Variants in LITAF observed in about 807,000 individuals in gnomAD.
LITAF encodes lipopolysaccharide induced TNF factor, also known as lipopolysaccharide-induced tumor necrosis factor-alpha factor.
A neutral mutation model predicts 14.5 loss-of-function variants in LITAF; 9 were observed. That is an observed-to-expected ratio of 0.62 (90% confidence interval 0.37 to 1.08). LITAF has a LOEUF of 1.08. Ranked by LOEUF, LITAF falls within the 50% of genes least tolerant of loss-of-function variation. LITAF has a pLI of 0.01. For synonymous variants in LITAF, 98 were observed against 88.2 expected (o/e 1.11, Z -0.62); for missense variants, 206 against 213.4 (o/e 0.97, Z 0.22).
upstream of LITAF, among the ~76,000 whole-genome samples, chr16:11,600,074 G>C (rs946900097): frequency 2.6e-5 from 4 of 151,976 alleles, no homozygotes; most frequent in African/African-American, 9.7e-5. This position sits in a 1 kb window ranked among gnomAD's most constrained non-coding sequence, Gnocchi z 4.1. Flanking sequence ...TATAGTTCAC[G>C]GCAGCCTCAA....
intron 3 of LITAF, among the ~76,000 whole-genome samples, chr16:11,614,098 C>T (rs546341001): frequency 6.6e-6 from 1 of 152,140 alleles, no homozygotes; most frequent in South Asian, 2.1e-4. Context: ...GAAGGATGTC[C>T]TAGTCTCTCT....
At position 11,632,876 on chromosome 16, in the gene LITAF, C is replaced by T. The variant is rs974101380; in HGVS notation, c.85+657G>A. ...TTCCACAGGAATTTCCACAGAGGCC[C>T]ACCCCACTCTGAGCCTCCTAGTGAA... On this transcript the variant is annotated intron_variant, in intron 3 of 3. Transcript: ENST00000574848. This position sits in a 1 kb window ranked among gnomAD's most constrained non-coding sequence, Gnocchi z 4.8. 2.6e-5 allele frequency among the ~76,000 whole-genome samples: 4 copies of T among 152,154 alleles called. No individual in the cohort carries two copies. Among genetic ancestry groups the T allele is most frequent in the Admixed American group, 2.6e-4 (4 of 15,270 alleles).
At chr16:11,633,488 T>A (rs980796483) in intron 3 of LITAF, 1 of 152,070 alleles carries the variant, frequency 6.6e-6, no homozygotes, top group Non-Finnish European at 1.5e-5. Flanking sequence ...TCTAAATACT[T>A]TGCTGATAAA....
intron 1 of LITAF, among the ~76,000 whole-genome samples, chr16:11,576,798 A>G (rs1429561758): frequency 6.6e-6 from 1 of 152,142 alleles, no homozygotes; most frequent in Non-Finnish European, 1.5e-5. Context: ...TGAGGTAAAC[A>G]GGCTTGGGCA....
At chr16:11,597,863 C>T (rs2064900335) in intron 1 of LITAF, among the ~76,000 whole-genome samples, 1 of 152,178 alleles carries the variant, frequency 6.6e-6, no homozygotes, top group Non-Finnish European at 1.5e-5. Flanking sequence ...CTAAAGGCCC[C>T]ACAGCCAGGC....
chr16:11,609,560 G>A (rs752927295), intron 3 of LITAF, among the ~76,000 whole-genome samples: 1 of 152,076 alleles, frequency 6.6e-6, no homozygotes, highest in Non-Finnish European at 1.5e-5. Context: ...TGTAAATTAC[G>A]TATCCAAAAC....
intron 3 of LITAF, among the ~76,000 whole-genome samples, chr16:11,633,175 T>G (rs1459163503): frequency 6.6e-6 from 1 of 152,102 alleles, no homozygotes; most frequent in Non-Finnish European, 1.5e-5. Context: ...GGTGCACCCA[T>G]CCACACGGAC....
intron 3 of LITAF, among the ~76,000 whole-genome samples, chr16:11,617,145 G>A (rs1200252890): frequency 5.3e-5 from 8 of 151,960 alleles, no homozygotes; most frequent in African/African-American, 7.3e-5. Flanking sequence ...GCTTGAACCC[G>A]GGAGGCAGTA....
At chr16:11,560,987 C>T (rs1162356233) in intron 1 of LITAF, among the ~76,000 whole-genome samples, 2 of 152,224 alleles carry the variant, frequency 1.3e-5, no homozygotes, top group Admixed American at 6.6e-5. Context: ...CCCCTGACAT[C>T]TGCTTCTGGC....
chr16:11,596,999 A>G (rs2064893505), intron 1 of LITAF, among the ~76,000 whole-genome samples: 1 of 152,172 alleles, frequency 6.6e-6, no homozygotes, highest in East Asian at 1.9e-4. Flanking sequence ...GTAAAGTAAC[A>G]TGCCTCGAAT....
At position 11,553,841 on chromosome 16, in the gene LITAF, G is replaced by A; in HGVS notation, c.221-152C>T. The stretch of plus-strand genomic sequence containing the variant: ...ATGCGTTCATCGTCTGGCTATCTAT[G>A]AGAGCCAAAAGGGGAAGGAACACCA... On this transcript the variant is annotated intron_variant, in intron 2 of 3. Coordinates refer to ENST00000622633, the MANE Select transcript of LITAF (RefSeq NM_001136472.2). This position sits in a 1 kb window ranked among gnomAD's most constrained non-coding sequence, Gnocchi z 7.7. 1 of 854,378 alleles carries A rather than the reference G, an allele frequency of 1.2e-6. No individual in the cohort carries two copies. Among genetic ancestry groups the A allele is most frequent in the South Asian group, 1.6e-5 (1 of 63,006 alleles). 52.9% of individuals were successfully genotyped at this position (854,378 alleles called of 1,614,324 possible). A position where few individuals can be genotyped will look rare whatever the true frequency, so the allele number is the denominator to read the frequency against.
chr16:11,581,405 G>A (rs1261742154), intron 1 of LITAF, among the ~76,000 whole-genome samples: 1 of 152,174 alleles, frequency 6.6e-6, no homozygotes, highest in Admixed American at 6.5e-5. Context: ...GCAATACTTT[G>A]AGAGGCCAAG....
intron 1 of LITAF, among the ~76,000 whole-genome samples, chr16:11,568,123 A>G (rs1416763601): frequency 6.6e-6 from 1 of 152,080 alleles, no homozygotes; most frequent in African/African-American, 2.4e-5. Flanking sequence ...CCCCATCTCT[A>G]CAAAAAAGAC....
intron 1 of LITAF, among the ~76,000 whole-genome samples, chr16:11,578,344 G>C (rs1312851801): frequency 6.6e-6 from 1 of 152,170 alleles, no homozygotes; most frequent in Non-Finnish European, 1.5e-5. Context: ...GATCACCTGA[G>C]GTCGGGAGTT....
intron 3 of LITAF, among the ~76,000 whole-genome samples, chr16:11,616,715 G>A (rs571581345): frequency 4.0e-5 from 6 of 151,516 alleles, no homozygotes; most frequent in South Asian, 2.1e-4. Flanking sequence ...AAAGATGCCC[G>A]GAGTGGGCAA....
Position 11,574,027 on chromosome 16 carries a change from GTTTTTAAAGACAGGTTCTCACTGGGT to G in LITAF, c.-6+12833_-6+12858del, listed in dbSNP as rs2064590557. Reference sequence around the variant, plus strand: ...TTTTTTTGGTTTTTTTTTTGTTGTTGTTTTTAAAGACAGGTTCTCACTGGGTTTTTTAAAGACAGGTTCTCACTGGG... The same window carrying G: ...TTTTTTTGGTTTTTTTTTTGTTGTTGTTTTTAAAGACAGGTTCTCACTGGG... On this transcript the variant is annotated intron_variant, in intron 1 of 3. Coordinates refer to ENST00000622633, the MANE Select transcript of LITAF (RefSeq NM_001136472.2). Among the ~76,000 whole-genome samples, 3 of 145,224 alleles carry G rather than the reference GTTTTTAAAGACAGGTTCTCACTGGGT, an allele frequency of 2.1e-5. No individual in the cohort carries two copies. In the East Asian group the frequency reaches 6.4e-4, roughly 31 times the overall value.
At chr16:11,619,302 C>T (rs940399908) in intron 3 of LITAF, among the ~76,000 whole-genome samples, 1 of 149,078 alleles carries the variant, frequency 6.7e-6, no homozygotes, top group Non-Finnish European at 1.5e-5. Context: ...CAAAGCAAGA[C>T]TTCGTCTCAA....
At chr16:11,636,839 G>C (rs1281485415), upstream of LITAF, among the ~76,000 whole-genome samples, 1 of 151,816 alleles carries the variant, frequency 6.6e-6, no homozygotes, top group East Asian at 1.9e-4. Context: ...CGAGGACTCT[G>C]TTGCCCTTAC....
chr16:11,637,966 CTA>C (rs1176708375), upstream of LITAF, among the ~76,000 whole-genome samples: 80 of 30,804 alleles, frequency 2.6e-3, 21 homozygotes, highest in African/African-American at 0.024. Flanking sequence ...CTATATATAT[CTA>C]TATATCTATA....
Sources: allele counts gnomAD v4.1 joint callset (sites outside exome capture counted in the v4.1 genomes callset), GRCh38; gene constraint gnomAD v4.1.1; non-coding constraint Gnocchi (gnomAD v3.1); transcripts MANE v1.5; gene names NCBI Gene and HGNC (gene_info 2026-07-23, HGNC 2026-07-21).